The following ITIH2 variants were observed in gnomAD, a reference collection of about 807,000 sequenced individuals.
ITIH2 encodes inter-alpha-trypsin inhibitor heavy chain H2.
In ITIH2, 103 loss-of-function variants were observed where a neutral mutation model predicts 104.4. That is an observed-to-expected ratio of 0.99 (90% CI 0.84 to 1.16). The LOEUF is 1.16. Ranked by LOEUF, ITIH2 falls within the 50% of genes most tolerant of loss-of-function variation. ITIH2 has a pLI of 0.00. For synonymous variants in ITIH2, 436 were observed against 435.4 expected (o/e 1.00, Z -0.02); for missense variants, 1,108 against 1,162.4 (o/e 0.95, Z 0.68).
At chr10:7,714,138 T>A (rs1834823589) in intron 5 of ITIH2, among the ~76,000 whole-genome samples, 1 of 151,224 alleles carries the variant, frequency 6.6e-6, no homozygotes, top group Admixed American at 6.6e-5. Context: ...ATGTTCACCT[T>A]CTCACTCCTT....
At chr10:7,713,509 T>C (rs1304387735) in intron 5 of ITIH2, 1 of 470,090 alleles carries the variant, frequency 2.1e-6, no homozygotes, top group African/African-American at 2.0e-5. Context: ...TGTGCTTACA[T>C]CACTGTCTTG....
At chr10:7,720,764 A>G (rs1834894533) in intron 6 of ITIH2, 92 bp from the exon 7 acceptor site, 2 of 760,540 alleles carry the variant, frequency 2.6e-6, no homozygotes, top group Non-Finnish European at 4.6e-6. Flanking sequence ...GGAGGAGAAA[A>G]GCATCAGAGG....
chr10:7,743,326 G>T, intron 17 of ITIH2, 67 bp downstream of exon 17: 1 of 805,782 alleles, frequency 1.2e-6, no homozygotes, highest in Non-Finnish European at 2.1e-6. Flanking sequence ...CACTGCCTGG[G>T]ATTTCTTTCT....
chr10:7,721,923 T>A, intron 8 of ITIH2, 146 bp downstream of exon 8: 1 of 767,864 alleles, frequency 1.3e-6, no homozygotes, highest in Non-Finnish European at 2.1e-6. Context: ...TCATATTCTT[T>A]GAATATACCG....
rs535609806 is a variant in ITIH2, at chr10:7,722,881, G to C, written c.868-570G>C. 2.6e-5 allele frequency among the ~76,000 whole-genome samples: 4 copies of C among 152,336 alleles called. No individual in the cohort carries two copies. In the East Asian group the frequency reaches 7.7e-4, roughly 29 times the overall value. Reference sequence around the variant, plus strand: ...CTGCTGGCTGGGAGCCTCCTGACGGGAGGTGCTCTGCCTGATTCACCGCTG... The same window carrying C: ...CTGCTGGCTGGGAGCCTCCTGACGGCAGGTGCTCTGCCTGATTCACCGCTG... On this transcript the variant is annotated intron_variant, in intron 8 of 20. Coordinates refer to ENST00000358415, the MANE Select transcript of ITIH2 (RefSeq NM_002216.3).
chr10:7,707,799 G>A (rs890077300), intron 3 of ITIH2, among the ~76,000 whole-genome samples: 4 of 151,992 alleles, frequency 2.6e-5, no homozygotes, highest in Admixed American at 1.3e-4. Flanking sequence ...TCCTGACCTC[G>A]GGTGATCCAC....
At chr10:7,725,743 G>A (rs1209069530) in intron 9 of ITIH2, among the ~76,000 whole-genome samples, 1 of 152,192 alleles carries the variant, frequency 6.6e-6, no homozygotes, top group Non-Finnish European at 1.5e-5. Flanking sequence ...GAAGCGTGGT[G>A]TTCAAAAGTG....
intron 16 of ITIH2, among the ~76,000 whole-genome samples, chr10:7,739,270 CAGTTAGCT>C (rs1478815332): frequency 1.3e-5 from 2 of 152,220 alleles, no homozygotes; most frequent in Non-Finnish European, 2.9e-5. Flanking sequence ...CAGCTGCTGG[CAGTTAGCT>C]AGTTCATCTA....
chr10:7,723,716 A>C (rs933907911), intron 9 of ITIH2, 149 bp downstream of exon 9: 2 of 623,800 alleles, frequency 3.2e-6, no homozygotes, highest in Non-Finnish European at 5.7e-6. Flanking sequence ...CTCTTCCTAA[A>C]ATTTTGCTAT....
chr10:7,746,069 A>T (rs1310869917), intron 19 of ITIH2, among the ~76,000 whole-genome samples: 245 of 4,948 alleles, frequency 0.05, 3 homozygotes, highest in African/African-American at 0.077. Context: ...TCTTAAATTT[A>T]AAAAAAAAAA....
Position 7,728,408 on chromosome 10 carries a change from G to T in ITIH2, c.1279+580G>T, listed in dbSNP as rs558735729. Among the ~76,000 whole-genome samples, 3 of 152,014 alleles carry T rather than the reference G, an allele frequency of 2.0e-5. No homozygotes were observed. The East Asian group carries it at 5.8e-4, about 29-fold the overall frequency. The stretch of plus-strand genomic sequence containing the variant: ...TATTTTATTTATTTTTGAAGACAGG[G>T]TCTTGCTCTGTCACCCAGGAGGGAG... On this transcript the variant is annotated intron_variant, in intron 11 of 20. Coordinates refer to ENST00000358415, the MANE Select transcript of ITIH2 (RefSeq NM_002216.3).
intron 7 of ITIH2, among the ~76,000 whole-genome samples, chr10:7,721,304 A>G (rs1834900252): frequency 6.6e-6 from 1 of 152,218 alleles, no homozygotes; most frequent in African/African-American, 2.4e-5. Context: ...CTCAATGACC[A>G]GCGATAACCA....
chr10:7,722,841 A>C (rs1016333041), intron 8 of ITIH2, among the ~76,000 whole-genome samples: 2 of 152,152 alleles, frequency 1.3e-5, no homozygotes, highest in African/African-American at 4.8e-5. Context: ...CATTGCCTCC[A>C]CTTACCCTTA....
rs1834906656 is a variant in ITIH2, at chr10:7,721,784, G to T, written c.867+7G>T. The T allele has an allele frequency of 6.2e-7, 1 of 1,613,452 alleles. No individual in the cohort carries two copies. Among genetic ancestry groups the T allele is most frequent in the Non-Finnish European group, 8.5e-7 (1 of 1,179,672 alleles). ...GAAGGCTGGTGAACTGGAGGTGAGT[G>T]CACACCGGCTCTGGTTCTACTGCCA... On this transcript the variant is annotated splice_region_variant and intron_variant, in intron 8 of 20. Transcript: ENST00000358415.
Position 7,722,850 on chromosome 10 carries a change from T to C in ITIH2, c.868-601T>C, listed in dbSNP as rs972062887. 1.2e-4 allele frequency among the ~76,000 whole-genome samples: 18 copies of C among 152,338 alleles called. 1 individual carries two copies. In the South Asian group the frequency reaches 2.1e-3, roughly 18 times the overall value. The stretch of plus-strand genomic sequence containing the variant: ...GCTGCACATTGCCTCCACTTACCCT[T>C]ATCCTCTGCTGGCTGGGAGCCTCCT... On this transcript the variant is annotated intron_variant, in intron 8 of 20. Coordinates refer to ENST00000358415, the MANE Select transcript of ITIH2 (RefSeq NM_002216.3).
chr10:7,732,094 A>G (rs1407843400), intron 13 of ITIH2, 98 bp downstream of exon 13: 6 of 1,006,568 alleles, frequency 6.0e-6, no homozygotes, highest in Non-Finnish European at 9.0e-6. Context: ...ATGGGTGTAG[A>G]ACAGAAGCAA....
chr10:7,730,194 T>C (rs1328654197), intron 12 of ITIH2, 61 bp downstream of exon 12: 3 of 1,248,932 alleles, frequency 2.4e-6, no homozygotes, highest in East Asian at 2.3e-5. Context: ...TACCCATATC[T>C]GATGCAGGTA....
intron 6 of ITIH2, 120 bp from the exon 7 acceptor site, chr10:7,720,736 C>T (rs368048319): frequency 6.6e-5 from 41 of 620,492 alleles, no homozygotes; most frequent in African/African-American, 4.8e-4. Context: ...ATCGTGGAGT[C>T]GTGCCCGGGA....
chr10:7,720,861 TG>T lies in ITIH2; in HGVS notation c.637del (p.Val213CysfsTer9). 1.9e-6 allele frequency: 3 copies of T among 1,597,316 alleles called. No individual in the cohort carries two copies. Among genetic ancestry groups the T allele is most frequent in the Non-Finnish European group, 2.6e-6 (3 of 1,164,756 alleles). ...GRLAKHLEVD[V>X]WVIEPQGLRF... The stretch of plus-strand genomic sequence containing the variant: ...ATTTTCTCTTGCATCTCTAGGTAGA[TG>T]TGTGGGTTATCGAACCACAGGGACT... On this transcript the variant is annotated frameshift_variant, in exon 7 of 21. Transcript: ENST00000358415. LOFTEE classifies it high-confidence loss of function.
Sources: gnomAD v4.1 joint callset for allele counts (sites outside exome capture counted in the v4.1 genomes callset) on GRCh38, gnomAD v4.1.1 for gene constraint, MANE v1.5 for transcripts, NCBI Gene and HGNC (gene_info 2026-07-23, HGNC 2026-07-21) for gene names.